FCHSD2: variants seen among roughly 807,000 people sequenced by gnomAD.
FCHSD2 encodes the protein FCH and double SH3 domains 2.
A neutral mutation model predicts 108.1 loss-of-function variants in FCHSD2; 38 were observed. The ratio of observed to expected loss-of-function variants is 0.35; its 90% CI spans 0.27 to 0.46. The LOEUF (loss-of-function observed/expected upper bound fraction) is 0.46. Among genes scored for constraint, FCHSD2 ranks in the 20% least tolerant of loss-of-function variants. The pLI, the probability that FCHSD2 is intolerant of heterozygous loss-of-function variation, is 1.00. For missense variants in FCHSD2, 751 were observed against 897.8 expected, an observed-to-expected ratio of 0.84 and a Z score of 2.09; for synonymous variants, 279 against 314.7, an observed-to-expected ratio of 0.89 and a Z score of 1.20.
At position 73,061,412 on chromosome 11, in the gene FCHSD2, C is replaced by A. The variant is rs183242385; in HGVS notation, c.165+22283G>T. ...AAACACCAAACTAGCTGCAGGAATT[C>A]TTTTTTTCCATACCCCAGTGGCACC... On this transcript the variant is annotated intron_variant, in intron 3 of 19. Coordinates refer to ENST00000409418, the MANE Select transcript of FCHSD2 (RefSeq NM_014824.3). Among the ~76,000 whole-genome samples the A allele has an allele frequency of 1.2e-3, 180 of 152,262 alleles. 1 individual carries two copies. The highest frequency in any genetic ancestry group is 4.1e-3 in the African/African-American group (172 of 41,552).
intron 9 of FCHSD2, among the ~76,000 whole-genome samples, chr11:72,912,463 G>A (rs942523911): frequency 2.0e-5 from 3 of 152,114 alleles, no homozygotes; most frequent in African/African-American, 4.8e-5. Flanking sequence ...CTGCATTCTT[G>A]GGATACATTC....
intron 13 of FCHSD2, among the ~76,000 whole-genome samples, chr11:72,851,210 A>C (rs1861279624): frequency 6.6e-6 from 1 of 152,124 alleles, no homozygotes; most frequent in African/African-American, 2.4e-5. Flanking sequence ...TTTTGAAAAA[A>C]CAACCTGTTC....
intron 13 of FCHSD2, among the ~76,000 whole-genome samples, chr11:72,866,183 T>C (rs1295236273): frequency 6.6e-6 from 1 of 152,182 alleles, no homozygotes; most frequent in Non-Finnish European, 1.5e-5. Flanking sequence ...CAGTCTGAAG[T>C]AGATGAGCAT....
chr11:73,000,850 A>C (rs1857612289), intron 5 of FCHSD2, 140 bp downstream of exon 5: 2 of 681,574 alleles, frequency 2.9e-6, no homozygotes, highest in Non-Finnish European at 4.8e-6. Context: ...AACATGTTGA[A>C]ATCAGAAAAT....
At chr11:72,876,403 A>G (rs1230454218) in intron 12 of FCHSD2, among the ~76,000 whole-genome samples, 1 of 152,228 alleles carries the variant, frequency 6.6e-6, no homozygotes, top group Non-Finnish European at 1.5e-5. Flanking sequence ...TATTTTTGCC[A>G]TAAAGTTTGG....
intron 12 of FCHSD2, among the ~76,000 whole-genome samples, chr11:72,883,533 A>G (rs1384820322): frequency 6.6e-6 from 1 of 152,224 alleles, no homozygotes; most frequent in East Asian, 1.9e-4. Context: ...AAAAACTTAT[A>G]AAAAGATGCT....
chr11:72,991,746 T>G (rs1857419592), intron 5 of FCHSD2, among the ~76,000 whole-genome samples: 2 of 152,202 alleles, frequency 1.3e-5, no homozygotes, highest in South Asian at 4.1e-4. Flanking sequence ...AATTAGGTAT[T>G]GATGGGACGT....
At position 73,080,296 on chromosome 11, in the gene FCHSD2, CAAAAAAAAAAA is replaced by C. The variant is rs370633105; in HGVS notation, c.165+3388_165+3398del. Among the ~76,000 whole-genome samples the C allele has an allele frequency of 6.8e-3, 354 of 52,302 alleles. 1 individual carries two copies. Among genetic ancestry groups the C allele is most frequent in the African/African-American group, 0.019 (336 of 17,244 alleles). The allele number at this position is 52,302 out of a possible 152,430, so 34.3% of individuals were successfully genotyped here. A position where few individuals can be genotyped will look rare whatever the true frequency, so the allele number is the denominator to read the frequency against. ...TGGGTGATAGAGCAAGACCCTGTCTCAAAAAAAAAAAAAAAAAAAAAAAGAAAGAAAGAAAA... is the reference window on the plus strand; with the variant it reads ...TGGGTGATAGAGCAAGACCCTGTCTCAAAAAAAAAAAAGAAAGAAAGAAAA... On this transcript the variant is annotated intron_variant, in intron 3 of 19. Coordinates refer to ENST00000409418, the MANE Select transcript of FCHSD2 (RefSeq NM_014824.3).
At chr11:73,083,795 A>T in intron 2 of FCHSD2, 55 bp from the exon 3 acceptor site, 1 of 1,126,696 alleles carries the variant, frequency 8.9e-7, no homozygotes, top group Non-Finnish European at 1.3e-6. Context: ...AATTTAATGT[A>T]AATCTATCAA....
chr11:72,857,561 C>T (rs1317626216), intron 13 of FCHSD2, among the ~76,000 whole-genome samples: 2 of 151,154 alleles, frequency 1.3e-5, no homozygotes. Context: ...GCCTCAGCCT[C>T]CGGAGTAGCT....
chr11:73,061,606 G>A (rs1239831078), intron 3 of FCHSD2, among the ~76,000 whole-genome samples: 1 of 152,172 alleles, frequency 6.6e-6, no homozygotes, highest in Non-Finnish European at 1.5e-5. Flanking sequence ...GATCGACCTG[G>A]GACGCTCGAG....
intron 13 of FCHSD2, among the ~76,000 whole-genome samples, chr11:72,864,486 A>G (rs1401570498): frequency 6.6e-6 from 1 of 152,206 alleles, no homozygotes; most frequent in Non-Finnish European, 1.5e-5. Context: ...TTGAGACTGC[A>G]GTGAGCCATC....
At chr11:73,107,418 A>G (rs12362045) in intron 2 of FCHSD2, among the ~76,000 whole-genome samples, 34,228 of 152,118 alleles carry the variant, frequency 0.23, 4,624 homozygotes, top group Middle Eastern at 0.37. Context: ...AGATATTTTG[A>G]TACAGGCATG....
chr11:72,983,399 G>A (rs1371791721), intron 8 of FCHSD2, among the ~76,000 whole-genome samples: 1 of 152,032 alleles, frequency 6.6e-6, no homozygotes, highest in African/African-American at 2.4e-5. Context: ...GAGCCTGGCA[G>A]TTCAAGGCTG....
intron 2 of FCHSD2, among the ~76,000 whole-genome samples, chr11:73,110,756 T>C (rs1038527474): frequency 1.3e-4 from 20 of 152,180 alleles, no homozygotes; most frequent in Non-Finnish European, 2.6e-4. Context: ...GGTACATCAT[T>C]AGGTTATCTA....
intron 11 of FCHSD2, among the ~76,000 whole-genome samples, chr11:72,889,231 G>A (rs1855263652): frequency 6.6e-6 from 1 of 152,136 alleles, no homozygotes; most frequent in Non-Finnish European, 1.5e-5. Flanking sequence ...AAAGTGCTGG[G>A]ATTACAGGCG....
intron 2 of FCHSD2, among the ~76,000 whole-genome samples, chr11:73,118,970 TAATA>T (rs929274815): frequency 9.9e-5 from 15 of 152,194 alleles, no homozygotes; most frequent in African/African-American, 2.9e-4. Flanking sequence ...TTTTATGGGC[TAATA>T]AATAAATAAT....
At chr11:72,991,328 T>C (rs538881241) in intron 5 of FCHSD2, among the ~76,000 whole-genome samples, 20 of 152,114 alleles carry the variant, frequency 1.3e-4, no homozygotes, top group Admixed American at 7.2e-4. Context: ...TTCCAATCAA[T>C]AGAAAAAGAG....
rs78329834 is a variant in FCHSD2 at position 73,127,196 on chromosome 11, C to T, written c.119+12835G>A. Among the ~76,000 whole-genome samples the T allele has an allele frequency of 7.9e-5, 12 of 152,270 alleles. No homozygotes were observed. The East Asian group carries it at 1.7e-3, about 22-fold the overall frequency. On this transcript the variant is annotated intron_variant, in intron 2 of 19. Transcript: ENST00000409418. ...AGACATGGTAACACTTTTCATAACACCAGAAATAACATTTTCTTATTAAAT... is the reference window on the plus strand; with the variant it reads ...AGACATGGTAACACTTTTCATAACATCAGAAATAACATTTTCTTATTAAAT...
Sources: allele counts gnomAD v4.1 joint callset (sites outside exome capture counted in the v4.1 genomes callset), GRCh38; gene constraint gnomAD v4.1.1; transcripts MANE v1.5; gene names NCBI Gene and HGNC (gene_info 2026-07-23, HGNC 2026-07-21).